Variants in SLC4A3 observed in about 807,000 individuals in gnomAD.
SLC4A3 encodes solute carrier family 4 member 3, also known as anion exchange protein 3.
Under a neutral mutation model 114.2 loss-of-function variants are expected in SLC4A3, and 47 were observed. That is an observed-to-expected ratio of 0.41 (90% CI 0.33 to 0.52). SLC4A3 has a LOEUF of 0.52. SLC4A3 is among the 20% of genes least tolerant of loss of function. SLC4A3 has a pLI of 0.21. For missense variants in SLC4A3, 1,312 were observed against 1,668.3 expected (o/e 0.79, Z 3.72); for synonymous variants, 693 against 710.3 (o/e 0.98, Z 0.39).
Position 219,632,427 on chromosome 2 carries a change from A to G in SLC4A3, c.1126A>G (p.Arg376Gly), listed in dbSNP as rs1223783862. 21 of 1,598,016 alleles carry G rather than the reference A, an allele frequency of 1.3e-5. No homozygotes were observed. The highest frequency in any genetic ancestry group is 1.8e-5 in the Non-Finnish European group (21 of 1,172,046). The change falls in exon 8 of 23, where the codon AGG (arginine) becomes GGG (glycine). Residue 376 changes from arginine (R) to glycine (G), a missense_variant. Arg to Gly is a moderately radical substitution (Grantham distance 125, BLOSUM62 -2). Around this residue, in one of 4 missense-constraint regions of SLC4A3, gnomAD observed 771 missense variants for 977.7 expected, o/e 0.79. Transcript: ENST00000358055. ...CTTCCGTAGCCTTCTGGAGCTCAGG[A>G]GGACCATCGCCCATGGTAGGGACCC... The part of the protein sequence containing the change: ...LSFRSLLELR[R>G]TIAHGAALLD...
chr2:219,632,833 T>G, intron 8 of SLC4A3, 41 bp from the exon 9 acceptor site: 2 of 1,609,206 alleles, frequency 1.2e-6, no homozygotes, highest in Non-Finnish European at 8.5e-7. Flanking sequence ...TTTTCCTGTC[T>G]GATGGGACTG....
chr2:219,628,453 G>C lies in SLC4A3; in HGVS notation c.100G>C (p.Glu34Gln). 1 of 1,613,774 alleles carries C rather than the reference G, an allele frequency of 6.2e-7. No individual in the cohort carries two copies. The highest frequency in any genetic ancestry group is 8.5e-7 in the Non-Finnish European group (1 of 1,179,894). ...EPPLSPDVEE[E>Q]DDDLGKTLAV... Reference sequence around the variant, plus strand: ...CCCTCTAAGTCCAGACGTGGAGGAGGAGGACGATGACTTGGGCAAGACCTT... The same window carrying C: ...CCCTCTAAGTCCAGACGTGGAGGAGCAGGACGATGACTTGGGCAAGACCTT... The change falls in exon 3 of 23, where the codon GAG becomes CAG. Residue 34 changes from glutamate to glutamine, a missense_variant. Glu to Gln is a conservative substitution (Grantham distance 29). This residue lies in a region of SLC4A3 where 236 missense variants were observed against 212.1 expected (regional missense o/e 1.11). Transcript: ENST00000358055. This position sits in a 1 kb window ranked among gnomAD's most constrained non-coding sequence, Gnocchi z 4.8.
Position 219,636,273 on chromosome 2 carries a change from C to A in SLC4A3, c.2192-29C>A, listed in dbSNP as rs573664488. The A allele has an allele frequency of 1.4e-4, 218 of 1,611,840 alleles. 1 individual carries two copies. The South Asian group carries it at 2.2e-3, about 17-fold the overall frequency. ...AAGGGGGCAGATAGACAGAGCCAGG[C>A]TAGGGCCATCCTACCCGTGCTATGG... On this transcript the variant is annotated intron_variant, in intron 14 of 22. Coordinates refer to ENST00000358055, the MANE Select transcript of SLC4A3 (RefSeq NM_005070.4). This position sits in a 1 kb window ranked among gnomAD's most constrained non-coding sequence, Gnocchi z 5.5.
chr2:219,634,738 T>C (rs1312826706), intron 12 of SLC4A3, 134 bp downstream of exon 12: 8 of 939,080 alleles, frequency 8.5e-6, no homozygotes, highest in Non-Finnish European at 1.2e-5. Context: ...TGGAGGGTGG[T>C]GGGGGGAGCT....
In SLC4A3 at chr2:219,640,383, C is replaced by A. The variant is rs986580129; in HGVS notation, c.3278-47C>A. 5 of 1,579,554 alleles carry A rather than the reference C, an allele frequency of 3.2e-6. 1 individual carries two copies. The highest frequency in any genetic ancestry group is 1.7e-4 in the Middle Eastern group (1 of 5,906). ...CACCTCTTCCAGGCCTGTCCATCCT[C>A]ACGGGGGCTGTCTGAGGGTCAGGCG... On this transcript the variant is annotated intron_variant, in intron 20 of 22. Transcript: ENST00000358055.
At chr2:219,635,971 T>C in intron 14 of SLC4A3, 80 bp downstream of exon 14, 2 of 1,189,500 alleles carry the variant, frequency 1.7e-6, no homozygotes, top group Non-Finnish European at 2.3e-6. Context: ...ATTCTGGGTC[T>C]GGGTGTGATC....
In SLC4A3 at chr2:219,636,578, C is replaced by T; in HGVS notation, c.2341-102C>T. The T allele has an allele frequency of 6.8e-7, 1 of 1,473,252 alleles. No individual in the cohort carries two copies. The highest frequency in any genetic ancestry group is 9.2e-7 in the Non-Finnish European group (1 of 1,089,744). The allele number at this position is 1,473,252 out of a possible 1,614,324, so 91.3% of individuals were successfully genotyped here. A position where few individuals can be genotyped will look rare whatever the true frequency, so the allele number is the denominator to read the frequency against. ...TCCTTACCTAGGGGATGGGTCCCTGCATTCTCCCTCTTCCTCGGAGTTCAT... is the reference window on the plus strand; with the variant it reads ...TCCTTACCTAGGGGATGGGTCCCTGTATTCTCCCTCTTCCTCGGAGTTCAT... On this transcript the variant is annotated intron_variant, in intron 15 of 22. Transcript: ENST00000358055. This position sits in a 1 kb window ranked among gnomAD's most constrained non-coding sequence, Gnocchi z 5.5.
rs1353382419 is a variant in SLC4A3 at position 219,628,019 on chromosome 2, CG to C, written c.32del (p.Gly11AlafsTer17). ...TGGCCAACGGAGTGATCCCGCCGCC[CG>C]GGGGCGCCTCCCCCCTACCCCAGGT... Reference protein sequence around the residue: MANGVIPPPGGASPLPQVRV... With the variant: MANGVIPPPXGASPLPQVRV... On this transcript the variant is annotated frameshift_variant, in exon 2 of 23. Coordinates refer to ENST00000358055, the MANE Select transcript of SLC4A3 (RefSeq NM_005070.4). LOFTEE classifies it high-confidence loss of function. The surrounding 1 kb of genome is among the most constrained non-coding windows in gnomAD (Gnocchi z 4.8). 10 of 1,589,030 alleles carry C rather than the reference CG, an allele frequency of 6.3e-6. No individual in the cohort carries two copies. The highest frequency in any genetic ancestry group is 5.3e-5 in the Admixed American group (3 of 56,542).
At chr2:219,632,764 G>C in intron 8 of SLC4A3, 110 bp from the exon 9 acceptor site, 1 of 1,399,102 alleles carries the variant, frequency 7.1e-7, no homozygotes, top group Non-Finnish European at 9.9e-7. Flanking sequence ...TACATTGGGC[G>C]CTTTGCCCTT....
chr2:219,628,053 G>A lies in SLC4A3; in HGVS notation c.51+10G>A. The stretch of plus-strand genomic sequence containing the variant: ...CTCCCCCCTACCCCAGGTGATCGGC[G>A]CGCGCGGGGGCGGGGGAGAGATGGG... On this transcript the variant is annotated intron_variant, in intron 2 of 22. Transcript: ENST00000358055. This position sits in a 1 kb window ranked among gnomAD's most constrained non-coding sequence, Gnocchi z 4.8. 6.4e-7 allele frequency: 1 copy of A among 1,553,048 alleles called. No homozygotes were observed. The highest frequency in any genetic ancestry group is 8.7e-7 in the Non-Finnish European group (1 of 1,152,060).
Position 219,636,202 on chromosome 2 carries a change from G to C in SLC4A3, c.2192-100G>C. On this transcript the variant is annotated intron_variant, in intron 14 of 22. Coordinates refer to ENST00000358055, the MANE Select transcript of SLC4A3 (RefSeq NM_005070.4). The surrounding 1 kb of genome is among the most constrained non-coding windows in gnomAD (Gnocchi z 5.5). Reference sequence around the variant, plus strand: ...GCCCTGTGTGTCACTCTAAGGGGCTGCTCTGCTTTTGTTGGGGGCCCCAGT... The same window carrying C: ...GCCCTGTGTGTCACTCTAAGGGGCTCCTCTGCTTTTGTTGGGGGCCCCAGT... The C allele has an allele frequency of 1.4e-6, 2 of 1,381,278 alleles. No individual in the cohort carries two copies. The highest frequency in any genetic ancestry group is 2.4e-5 in the South Asian group (2 of 83,156). 85.6% of individuals were successfully genotyped at this position (1,381,278 alleles called of 1,614,324 possible). A position where few individuals can be genotyped will look rare whatever the true frequency, so the allele number is the denominator to read the frequency against.
intron 10 of SLC4A3, 98 bp downstream of exon 10, chr2:219,633,555 G>A: frequency 8.7e-7 from 1 of 1,145,934 alleles, no homozygotes; most frequent in Non-Finnish European, 1.2e-6. Flanking sequence ...GGGAAGGTTG[G>A]ATTGCTGGCA....
chr2:219,637,749 G>A lies in SLC4A3; in HGVS notation c.2704G>A (p.Gly902Arg). The A allele has an allele frequency of 6.2e-7, 1 of 1,613,902 alleles. No individual in the cohort carries two copies. Among genetic ancestry groups the A allele is most frequent in the Non-Finnish European group, 8.5e-7 (1 of 1,179,900 alleles). The change falls in exon 17 of 23, where the codon GGG (glycine) becomes AGG (arginine). Residue 902 changes from glycine (G) to arginine (R), a missense_variant. Around this residue, in one of 4 missense-constraint regions of SLC4A3, gnomAD observed 301 missense variants for 460.7 expected, o/e 0.65. Transcript: ENST00000358055. This position sits in a 1 kb window ranked among gnomAD's most constrained non-coding sequence, Gnocchi z 4.6. ...ACTGCTCTCACTCATCCTCATGCTC[G>A]GGACCTTCTTCATAGCCTTCTTCCT... ...TALLSLILML[G>R]TFFIAFFLRK...
rs1217943953 is a variant in SLC4A3, at chr2:219,632,876, G to A, written c.1144G>A (p.Ala382Thr). Residue 382 changes from alanine to threonine, a missense_variant and splice_region_variant, in exon 9 of 23, where the codon GCT (alanine) becomes ACT (threonine). This residue lies in a region of SLC4A3 where 771 missense variants were observed against 977.7 expected (regional missense o/e 0.79). Transcript: ENST00000358055. ...TCTGTGCCTGACTGTCCCCCTAGGA[G>A]CTGCCCTCCTGGACCTGGAGCAAAC... ...LELRRTIAHGAALLDLEQTTL... is the reference protein window; with the variant it reads ...LELRRTIAHGTALLDLEQTTL... The A allele has an allele frequency of 2.0e-5, 32 of 1,614,022 alleles. No individual in the cohort carries two copies. The highest frequency in any genetic ancestry group is 2.7e-5 in the Non-Finnish European group (32 of 1,180,016).
rs1235194967 is a variant in SLC4A3, at chr2:219,641,740, A to G, written c.*12A>G. 6.2e-7 allele frequency: 1 copy of G among 1,609,770 alleles called. No homozygotes were observed. The highest frequency in any genetic ancestry group is 2.2e-5 in the East Asian group (1 of 44,838). On this transcript the variant is annotated 3_prime_UTR_variant, in exon 23 of 23. Transcript: ENST00000358055. The surrounding 1 kb of genome is among the most constrained non-coding windows in gnomAD (Gnocchi z 4.0). Reference sequence around the variant, plus strand: ...ACATGCCAGTGTGACCCTTGAAGACAGTGCCCCTCAGAGACCCCAAGACCT... The same window carrying G: ...ACATGCCAGTGTGACCCTTGAAGACGGTGCCCCTCAGAGACCCCAAGACCT...
At position 219,628,012 on chromosome 2, in the gene SLC4A3, C is replaced by T. The variant is rs1698776545; in HGVS notation, c.20C>T (p.Pro7Leu). 2 of 1,594,728 alleles carry T rather than the reference C, an allele frequency of 1.3e-6. No individual in the cohort carries two copies. The highest frequency in any genetic ancestry group is 1.4e-5 in the African/African-American group (1 of 73,616). The change falls in exon 2 of 23, where the codon CCG becomes CTG. Residue 7 changes from proline to leucine, a missense_variant. Physicochemically the swap from Pro to Leu is moderately conservative, Grantham distance 98 (BLOSUM62 -3). Around this residue, in one of 4 missense-constraint regions of SLC4A3, gnomAD observed 236 missense variants for 212.1 expected, o/e 1.11. Coordinates refer to ENST00000358055, the MANE Select transcript of SLC4A3 (RefSeq NM_005070.4). The surrounding 1 kb of genome is among the most constrained non-coding windows in gnomAD (Gnocchi z 4.8). ...CTGGCCATGGCCAACGGAGTGATCC[C>T]GCCGCCCGGGGGCGCCTCCCCCCTA... MANGVI[P>L]PPGGASPLPQ...
rs548939860 is a variant in SLC4A3 at position 219,637,324 on chromosome 2, G to T, written c.2536-257G>T. 3.3e-5 allele frequency among the ~76,000 whole-genome samples: 5 copies of T among 151,692 alleles called. No individual in the cohort carries two copies. The highest frequency in any genetic ancestry group is 3.3e-4 in the Admixed American group (5 of 15,238). ...TGTGTTGTGTGTATGTATGTTGTGT[G>T]TGTGGTGTGTATGTGGTATGTTGTG... On this transcript the variant is annotated intron_variant, in intron 16 of 22. Transcript: ENST00000358055. The surrounding 1 kb of genome is among the most constrained non-coding windows in gnomAD (Gnocchi z 4.6).
rs750452789 is a variant in SLC4A3 at position 219,627,946 on chromosome 2, C to G, written c.-47C>G. ...AGTGGCCCCTCCTTCTCACCTGGGTCTCGGGTCCCCTAGTGAGCGAGAGCG... is the reference window on the plus strand; with the variant it reads ...AGTGGCCCCTCCTTCTCACCTGGGTGTCGGGTCCCCTAGTGAGCGAGAGCG... On this transcript the variant is annotated 5_prime_UTR_variant, in exon 2 of 23. Coordinates refer to ENST00000358055, the MANE Select transcript of SLC4A3 (RefSeq NM_005070.4). 1.3e-6 allele frequency: 2 copies of G among 1,566,040 alleles called. No homozygotes were observed. The highest frequency in any genetic ancestry group is 2.4e-5 in the East Asian group (1 of 42,480).
Position 219,627,996 on chromosome 2 carries a change from G to A in SLC4A3, c.4G>A (p.Ala2Thr). ...GTCCCCAGCCGCCTACCTGGCCATGGCCAACGGAGTGATCCCGCCGCCCGG... is the reference window on the plus strand; with the variant it reads ...GTCCCCAGCCGCCTACCTGGCCATGACCAACGGAGTGATCCCGCCGCCCGG... Reference protein sequence around the residue: MANGVIPPPGGA... With the variant: MTNGVIPPPGGA... The change falls in exon 2 of 23, where the codon GCC becomes ACC. Residue 2 changes from alanine (A) to threonine (T), a missense_variant. Ala to Thr is a moderately conservative substitution (Grantham distance 58, BLOSUM62 0). This residue lies in a region of SLC4A3 where 236 missense variants were observed against 212.1 expected (regional missense o/e 1.11). Coordinates refer to ENST00000358055, the MANE Select transcript of SLC4A3 (RefSeq NM_005070.4). 6.2e-7 allele frequency: 1 copy of A among 1,600,438 alleles called. No individual in the cohort carries two copies. The highest frequency in any genetic ancestry group is 8.5e-7 in the Non-Finnish European group (1 of 1,174,538).
Sources: allele counts gnomAD v4.1 joint callset (sites outside exome capture counted in the v4.1 genomes callset), GRCh38; gene constraint gnomAD v4.1.1; regional missense constraint gnomAD v4.1.1; non-coding constraint Gnocchi (gnomAD v3.1); transcripts MANE v1.5; gene names NCBI Gene and HGNC (gene_info 2026-07-23, HGNC 2026-07-21).